PROM2: variants seen among roughly 807,000 people sequenced by gnomAD.
The protein encoded by PROM2 is prominin 2, also known as prominin-2.
In PROM2, 90 loss-of-function variants were observed where a neutral mutation model predicts 110.2. The ratio of observed to expected loss-of-function variants is 0.82; its 90% confidence interval spans 0.69 to 0.97. The LOEUF (loss-of-function observed/expected upper bound fraction) is 0.97, where lower values mean the gene tolerates loss of function less well. Ranked by LOEUF, PROM2 falls within the 50% of genes least tolerant of loss-of-function variation. The probability of loss-of-function intolerance (pLI) is 0.00; values close to 1 mark genes in which losing one functional copy is unlikely to be tolerated. For missense variants in PROM2, 1,009 were observed against 1,074.8 expected (o/e 0.94, Z 0.86); for synonymous variants, 470 against 467.8 (o/e 1.00, Z -0.06).
chr2:95,278,495 G>A (rs1032180711), intron 8 of PROM2: 8 of 612,452 alleles, frequency 1.3e-5, no homozygotes, highest in African/African-American at 1.3e-4. Context: ...CACTGCAATG[G>A]TGGGAGAGGG....
rs1168706778 is a variant in PROM2, at chr2:95,276,866, C to G, written c.683-106C>G. On this transcript the variant is annotated intron_variant, in intron 5 of 23. Transcript: ENST00000317620. The surrounding 1 kb of genome is among the most constrained non-coding windows in gnomAD (Gnocchi z 4.6). ...CCCCGCTCCTTCACTCCCCTCCACC[C>G]CCCGGCTCCTGCAGAGCCCGGTGGG... 3 of 1,271,212 alleles carry G rather than the reference C, an allele frequency of 2.4e-6. No homozygotes were observed. Among genetic ancestry groups the G allele is most frequent in the South Asian group, 2.6e-5 (2 of 76,772 alleles). 78.7% of individuals were successfully genotyped at this position (1,271,212 alleles called of 1,614,324 possible). A position where few individuals can be genotyped will look rare whatever the true frequency, so the allele number is the denominator to read the frequency against.
chr2:95,278,924 G>T lies in PROM2; in HGVS notation c.1115-61G>T, dbSNP rs990603062. The T allele has an allele frequency of 1.4e-5, 23 of 1,600,370 alleles. No individual in the cohort carries two copies. The African/African-American group carries it at 2.5e-4, about 18-fold the overall frequency. On this transcript the variant is annotated intron_variant, in intron 9 of 23. Transcript: ENST00000317620. ...TCCCAGATGTTCTTCCTGCCCGCTTGTCTTGTTCCTGGGCCCCAGGGTGCC... is the reference window on the plus strand; with the variant it reads ...TCCCAGATGTTCTTCCTGCCCGCTTTTCTTGTTCCTGGGCCCCAGGGTGCC...
At chr2:95,284,169 G>A (rs1677208022) in intron 14 of PROM2, among the ~76,000 whole-genome samples, 1 of 152,226 alleles carries the variant, frequency 6.6e-6, no homozygotes, top group African/African-American at 2.4e-5. Flanking sequence ...CTGAGGGCCT[G>A]CTGTGTGAGT....
At chr2:95,282,956 G>A (rs929966473) in intron 14 of PROM2, among the ~76,000 whole-genome samples, 1 of 152,140 alleles carries the variant, frequency 6.6e-6, no homozygotes. Flanking sequence ...GCTAACTCCT[G>A]ATTTTGCATC....
rs1247998869 is a variant in PROM2 at position 95,291,192 on chromosome 2, T to G, written c.*1979T>G. ...GCTTGAATGTAGCATGACTGCCTCT[T>G]TTTGCTTTTCCTAGAGGTTTTTTTT... On this transcript the variant is annotated 3_prime_UTR_variant, in exon 24 of 24. Transcript: ENST00000317620. 1 of 152,146 alleles carries G rather than the reference T, an allele frequency of 6.6e-6. No homozygotes were observed. Among genetic ancestry groups the G allele is most frequent in the Non-Finnish European group, 1.5e-5 (1 of 68,028 alleles). The allele number at this position is 152,146 out of a possible 1,614,324, so 9.4% of individuals were successfully genotyped here. A position where few individuals can be genotyped will look rare whatever the true frequency, so the allele number is the denominator to read the frequency against.
Position 95,275,719 on chromosome 2 carries a change from A to G in PROM2, c.294+209A>G, listed in dbSNP as rs1676605284. 4 of 1,438,444 alleles carry G rather than the reference A, an allele frequency of 2.8e-6. No homozygotes were observed. The South Asian group carries it at 5.8e-5, about 21-fold the overall frequency. The allele number at this position is 1,438,444 out of a possible 1,614,324, so 89.1% of individuals were successfully genotyped here. A position where few individuals can be genotyped will look rare whatever the true frequency, so the allele number is the denominator to read the frequency against. On this transcript the variant is annotated intron_variant, in intron 2 of 23. Transcript: ENST00000317620. This position sits in a 1 kb window ranked among gnomAD's most constrained non-coding sequence, Gnocchi z 4.4. ...GCCATTTACTGGCAGTGAGGTTTGC[A>G]GGGAGCTGGAACTTCCTGAACTTCA...
At chr2:95,282,291 C>T in intron 14 of PROM2, 65 bp downstream of exon 14, 2 of 1,347,664 alleles carry the variant, frequency 1.5e-6, no homozygotes, top group Non-Finnish European at 2.1e-6. Context: ...GTCTTTTTGC[C>T]TCTGTGGAGG....
chr2:95,279,166 GAT>G, intron 10 of PROM2, 22 bp downstream of exon 10: 1 of 783,284 alleles, frequency 1.3e-6, no homozygotes, highest in Non-Finnish European at 1.9e-6. Flanking sequence ...CGCAGGGTGG[GAT>G]GGGGTGGGGT....
intron 10 of PROM2, 142 bp downstream of exon 10, chr2:95,279,286 G>T (rs1676885127): frequency 3.0e-6 from 2 of 663,428 alleles, no homozygotes; most frequent in South Asian, 3.6e-5. Context: ...TTGTTTGTTT[G>T]TTTTTGTTTT....
intron 8 of PROM2, 107 bp downstream of exon 8, chr2:95,278,111 C>T (rs1558742603): frequency 2.2e-6 from 2 of 900,976 alleles, no homozygotes; most frequent in Non-Finnish European, 3.5e-6. Flanking sequence ...TGGGGTCCCA[C>T]CCACCACACA....
rs1677029195 is a variant in PROM2 at position 95,281,329 on chromosome 2, G to T, written c.1515G>T (p.Leu505=). The change falls in exon 12 of 24, where the codon CTG becomes CTT. Residue 505 remains leucine (L), a synonymous_variant. Coordinates refer to ENST00000317620, the MANE Select transcript of PROM2 (RefSeq NM_001165978.3). The part of the protein sequence containing the change: ...TFLVGGNVQT[L]VCQSWENGEL... ...TGGTGGGTGGCAACGTGCAGACGCT[G>T]GTGTGCCAGAGCTGGGAGAACGGCG... 3 of 1,613,296 alleles carry T rather than the reference G, an allele frequency of 1.9e-6. No individual in the cohort carries two copies. Among genetic ancestry groups the T allele is most frequent in the Non-Finnish European group, 2.5e-6 (3 of 1,179,922 alleles).
At chr2:95,283,011 G>A (rs761706291) in intron 14 of PROM2, among the ~76,000 whole-genome samples, 3 of 152,106 alleles carry the variant, frequency 2.0e-5, no homozygotes, top group African/African-American at 4.8e-5. Flanking sequence ...AACCAGCCTC[G>A]GCCCACGGAC....
intron 9 of PROM2, 47 bp from the exon 10 acceptor site, chr2:95,278,938 C>A (rs1306075069): frequency 1.3e-6 from 2 of 1,596,966 alleles, no homozygotes; most frequent in Non-Finnish European, 1.7e-6. Context: ...TGTTCCTGGG[C>A]CCCAGGGTGC....
Position 95,282,084 on chromosome 2 carries a change from A to G in PROM2, c.1644-58A>G, listed in dbSNP as rs1005446961. On this transcript the variant is annotated intron_variant, in intron 13 of 23. Coordinates refer to ENST00000317620, the MANE Select transcript of PROM2 (RefSeq NM_001165978.3). Reference sequence around the variant, plus strand: ...GAGGAGGGCCGGTGTCCCTCAGGGGACATCAGCCCCCCCGCCACCCCCAAG... The same window carrying G: ...GAGGAGGGCCGGTGTCCCTCAGGGGGCATCAGCCCCCCCGCCACCCCCAAG... 2.5e-6 allele frequency: 4 copies of G among 1,603,286 alleles called. No homozygotes were observed. The African/African-American group carries it at 4.0e-5, about 16-fold the overall frequency.
Position 95,274,460 on chromosome 2 carries a change from A to G in PROM2, c.-126A>G. 3 of 1,282,586 alleles carry G rather than the reference A, an allele frequency of 2.3e-6. No homozygotes were observed. The highest frequency in any genetic ancestry group is 1.9e-5 in the South Asian group (1 of 51,936). The allele number at this position is 1,282,586 out of a possible 1,614,324, so 79.5% of individuals were successfully genotyped here. On this transcript the variant is annotated 5_prime_UTR_variant, in exon 1 of 24. Coordinates refer to ENST00000317620, the MANE Select transcript of PROM2 (RefSeq NM_001165978.3). Reference sequence around the variant, plus strand: ...GAGGCGGGAGGCCAGGTAGCTCAGGAACCCAAACCTGTCGGGCAGGTTTTG... The same window carrying G: ...GAGGCGGGAGGCCAGGTAGCTCAGGGACCCAAACCTGTCGGGCAGGTTTTG...
chr2:95,287,139 AC>A lies in PROM2; in HGVS notation c.2103del (p.Ser702GlnfsTer4), dbSNP rs370517807. ...AGGCTCTCGTCCCCTCCAGCTGGAG[AC>A]CTCAGATGTCCTAGCCAATGTCACC... ...ESSAPNLQLETSDVLANVTYL... is the reference protein window; with the variant it reads ...ESSAPNLQLEXSDVLANVTYL... On this transcript the variant is annotated frameshift_variant, in exon 19 of 24. Coordinates refer to ENST00000317620, the MANE Select transcript of PROM2 (RefSeq NM_001165978.3). LOFTEE classifies it high-confidence loss of function. 5.0e-6 allele frequency: 8 copies of A among 1,613,780 alleles called. No individual in the cohort carries two copies. Among genetic ancestry groups the A allele is most frequent in the Non-Finnish European group, 5.1e-6 (6 of 1,179,910 alleles).
At chr2:95,287,611 C>T in intron 20 of PROM2, 147 bp downstream of exon 20, 1 of 725,168 alleles carries the variant, frequency 1.4e-6, no homozygotes, top group Non-Finnish European at 2.3e-6. Flanking sequence ...CTGGCATCTG[C>T]ACCCCTGCTT....
intron 8 of PROM2, chr2:95,278,496 T>G: frequency 1.6e-6 from 1 of 608,752 alleles, no homozygotes. Flanking sequence ...ACTGCAATGG[T>G]GGGAGAGGGA....
chr2:95,285,980 T>A (rs1221075442), intron 16 of PROM2, among the ~76,000 whole-genome samples: 1 of 152,200 alleles, frequency 6.6e-6, no homozygotes, highest in African/African-American at 2.4e-5. Flanking sequence ...GTCCTCCATC[T>A]CAGAGCAGAT....
Sources: gnomAD v4.1 joint callset for allele counts (sites outside exome capture counted in the v4.1 genomes callset) on GRCh38, gnomAD v4.1.1 for gene constraint, Gnocchi (gnomAD v3.1) non-coding constraint, MANE v1.5 for transcripts, NCBI Gene and HGNC (gene_info 2026-07-23, HGNC 2026-07-21) for gene names.